Variants in JAM3 observed in about 807,000 individuals in gnomAD.
JAM3 encodes junctional adhesion molecule C.
Under a neutral mutation model 39.4 loss-of-function variants are expected in JAM3, and 31 were observed. That is an observed-to-expected ratio of 0.79 (90% CI 0.59 to 1.06). The LOEUF (loss-of-function observed/expected upper bound fraction) is 1.06, where lower values mean the gene tolerates loss of function less well. Ranked by LOEUF, JAM3 falls within the 50% of genes least tolerant of loss-of-function variation. JAM3 has a pLI of 0.00. For missense variants in JAM3, 455 were observed against 391.4 expected (o/e 1.16, Z -1.37); for synonymous variants, 182 against 148.7 (o/e 1.22, Z -1.63).
chr11:134,116,349 A>G (rs927518060), intron 1 of JAM3, among the ~76,000 whole-genome samples: 27 of 152,076 alleles, frequency 1.8e-4, no homozygotes, highest in African/African-American at 5.5e-4. Flanking sequence ...TTCTTTCTAC[A>G]TTTGTTCATT....
At chr11:134,144,472 A>T in intron 4 of JAM3, 79 bp downstream of exon 4, 2 of 1,539,412 alleles carry the variant, frequency 1.3e-6, no homozygotes, top group Non-Finnish European at 1.8e-6. Flanking sequence ...CTTTCCTTCT[A>T]GAACTGTATC....
intron 1 of JAM3, among the ~76,000 whole-genome samples, chr11:134,083,575 C>T (rs183098569): frequency 6.6e-6 from 1 of 152,286 alleles, no homozygotes; most frequent in African/African-American, 2.4e-5. Context: ...TTGTCAAGTA[C>T]ATTTCCTACA....
At chr11:134,100,886 CACTT>C (rs1323856841) in intron 1 of JAM3, among the ~76,000 whole-genome samples, 1 of 152,166 alleles carries the variant, frequency 6.6e-6, no homozygotes, top group Non-Finnish European at 1.5e-5. Flanking sequence ...ACTAGACAAA[CACTT>C]AGTTTTAAAG....
rs780243933 is a variant in JAM3 at position 134,069,074 on chromosome 11, A to G, written c.-10A>G. On this transcript the variant is annotated 5_prime_UTR_variant, in exon 1 of 9. Coordinates refer to ENST00000299106, the MANE Select transcript of JAM3 (RefSeq NM_032801.5). ...GCCGCGCTGCCGCTGGCCCCTCAGC[A>G]ACCCTCGACATGGCGCTGAGGCGGC... 6.2e-7 allele frequency: 1 copy of G among 1,609,402 alleles called. No individual in the cohort carries two copies. Among genetic ancestry groups the G allele is most frequent in the South Asian group, 1.1e-5 (1 of 90,618 alleles).
chr11:134,137,659 G>A (rs944749213), intron 1 of JAM3, among the ~76,000 whole-genome samples: 1 of 152,106 alleles, frequency 6.6e-6, no homozygotes, highest in African/African-American at 2.4e-5. Flanking sequence ...AGCCAGTGGT[G>A]GTGTCTCGTC....
At chr11:134,092,115 T>G (rs1941871521) in intron 1 of JAM3, among the ~76,000 whole-genome samples, 1 of 152,210 alleles carries the variant, frequency 6.6e-6, no homozygotes, top group Admixed American at 6.5e-5. Context: ...AGCCTTGAGC[T>G]TCTTATGACT....
chr11:134,114,195 T>TTAATTAGATC (rs1942376696), intron 1 of JAM3, among the ~76,000 whole-genome samples: 2 of 152,270 alleles, frequency 1.3e-5, no homozygotes, highest in African/African-American at 4.8e-5. Context: ...CTCTTTAGTT[T>TTAATTAGATC]TAATTAGATC....
At chr11:134,125,264 A>G (rs1942624332) in intron 1 of JAM3, among the ~76,000 whole-genome samples, 1 of 152,246 alleles carries the variant, frequency 6.6e-6, no homozygotes, top group Admixed American at 6.5e-5. Context: ...CCTGGAAGGA[A>G]GAGATGGCTG....
chr11:134,084,736 G>A (rs1347899577), intron 1 of JAM3, among the ~76,000 whole-genome samples: 1 of 152,134 alleles, frequency 6.6e-6, no homozygotes, highest in East Asian at 1.9e-4. Context: ...AGAGCCCCTC[G>A]CTTACAAAGG....
At chr11:134,124,547 G>A (rs1181626029) in intron 1 of JAM3, among the ~76,000 whole-genome samples, 1 of 151,932 alleles carries the variant, frequency 6.6e-6, no homozygotes, top group East Asian at 1.9e-4. Context: ...ATTCAACTTG[G>A]GCCTCAATTT....
chr11:134,125,304 C>T (rs1275630965), intron 1 of JAM3, among the ~76,000 whole-genome samples: 1 of 152,186 alleles, frequency 6.6e-6, no homozygotes, highest in African/African-American at 2.4e-5. Flanking sequence ...AGCTGCACAT[C>T]ATGTCAGAGG....
chr11:134,120,922 C>G (rs1269649610), intron 1 of JAM3, among the ~76,000 whole-genome samples: 1 of 152,172 alleles, frequency 6.6e-6, no homozygotes, highest in Non-Finnish European at 1.5e-5. Context: ...GCTGTAGAAG[C>G]ATTTTATAGC....
At chr11:134,127,958 G>A (rs188081639) in intron 1 of JAM3, among the ~76,000 whole-genome samples, 11 of 152,018 alleles carry the variant, frequency 7.2e-5, no homozygotes, top group East Asian at 5.8e-4. Context: ...TGCCTTTCTT[G>A]TTGGGAACCA....
chr11:134,097,759 A>G (rs1942008263), intron 1 of JAM3, among the ~76,000 whole-genome samples: 1 of 152,120 alleles, frequency 6.6e-6, no homozygotes, highest in Admixed American at 6.6e-5. Flanking sequence ...TTATATTACA[A>G]GTTGCCACTT....
chr11:134,124,777 G>A (rs1448662530), intron 1 of JAM3, among the ~76,000 whole-genome samples: 2 of 152,226 alleles, frequency 1.3e-5, no homozygotes, highest in Admixed American at 1.3e-4. Flanking sequence ...GTTCAAGGCA[G>A]TGTTAATTAT....
rs188774115 is a variant in JAM3 at position 134,109,049 on chromosome 11, C to G, written c.77-30802C>G. On this transcript the variant is annotated intron_variant, in intron 1 of 8. Coordinates refer to ENST00000299106, the MANE Select transcript of JAM3 (RefSeq NM_032801.5). ...TCAGCTCACTGCAACCTCCACCTCC[C>G]AGGTTCAAGCAATTCTCGTGCCTTA... 2.0e-5 allele frequency among the ~76,000 whole-genome samples: 3 copies of G among 152,236 alleles called. No homozygotes were observed. In the East Asian group the frequency reaches 5.8e-4, roughly 29 times the overall value.
chr11:134,145,135 G>T, intron 5 of JAM3, 141 bp downstream of exon 5: 1 of 746,078 alleles, frequency 1.3e-6, no homozygotes, highest in Non-Finnish European at 2.4e-6. Context: ...GGATTCTACA[G>T]GAAAAATGAC....
chr11:134,121,942 T>A (rs1441889033), intron 1 of JAM3, among the ~76,000 whole-genome samples: 2 of 152,086 alleles, frequency 1.3e-5, no homozygotes, highest in Non-Finnish European at 2.9e-5. Flanking sequence ...CTGTCTACCT[T>A]AGCTTAGCAC....
chr11:134,146,389 T>C (rs1040450438), intron 6 of JAM3, among the ~76,000 whole-genome samples: 1 of 138,114 alleles, frequency 7.2e-6, no homozygotes, highest in East Asian at 2.1e-4. Context: ...TATCCAGTTA[T>C]AACCCTCTTG....
Sources: allele counts gnomAD v4.1 joint callset (sites outside exome capture counted in the v4.1 genomes callset), GRCh38; gene constraint gnomAD v4.1.1; transcripts MANE v1.5; gene names NCBI Gene and HGNC (gene_info 2026-07-23, HGNC 2026-07-21).